The following COL25A1 variants were observed in gnomAD, a reference collection of about 807,000 sequenced individuals.
COL25A1 encodes collagen type XXV alpha 1 chain, also known as collagen alpha-1(XXV) chain.
In COL25A1, 103 loss-of-function variants were observed where a neutral mutation model predicts 128.4. The observed-to-expected ratio is 0.80, with a 90% CI of 0.68 to 0.94. The LOEUF (loss-of-function observed/expected upper bound fraction) is 0.94. COL25A1 is among the 40% of genes least tolerant of loss of function. The pLI, the probability that COL25A1 is intolerant of heterozygous loss-of-function variation, is 0.00. For synonymous variants in COL25A1, 279 were observed against 277.2 expected, an observed-to-expected ratio of 1.01 and a Z score of -0.06; for missense variants, 745 against 840.0, an observed-to-expected ratio of 0.89 and a Z score of 1.40.
At position 109,202,263 on chromosome 4, in the gene COL25A1, C is replaced by G. The variant is rs1776610874; in HGVS notation, c.367+98320G>C. Among the ~76,000 whole-genome samples the G allele has an allele frequency of 2.0e-5, 3 of 152,028 alleles. No individual in the cohort carries two copies. The South Asian group carries it at 6.2e-4, about 32-fold the overall frequency. On this transcript the variant is annotated intron_variant, in intron 3 of 37. Transcript: ENST00000399132. The stretch of plus-strand genomic sequence containing the variant: ...AGACAATGTAGTACAGGCAAAAGAA[C>G]AGACAAATGGGCCAAAGGAAAATAG...
At chr4:109,273,226 A>T (rs2126266984) in intron 3 of COL25A1, among the ~76,000 whole-genome samples, 1 of 152,352 alleles carries the variant, frequency 6.6e-6, no homozygotes, top group East Asian at 1.9e-4. Context: ...TTAAAAAAGC[A>T]AAGATTATAG....
intron 3 of COL25A1, among the ~76,000 whole-genome samples, chr4:109,132,588 A>G (rs1027432449): frequency 1.3e-5 from 2 of 152,218 alleles, no homozygotes; most frequent in African/African-American, 2.4e-5. Context: ...TCATAGAATC[A>G]ATTTAAGTAA....
In COL25A1 at chr4:109,093,457, G is replaced by GAAAAAAA. The variant is rs564834752; in HGVS notation, c.368-43285_368-43279dup. ...CAATACAGCAAGACTCCATCTCTATGAAAAAAAAAAAAAAAAAAACCTTTT... is the reference window on the plus strand; with the variant it reads ...CAATACAGCAAGACTCCATCTCTATGAAAAAAAAAAAAAAAAAAAAAAAAAACCTTTT... On this transcript the variant is annotated intron_variant, in intron 3 of 37. Coordinates refer to ENST00000399132, the MANE Select transcript of COL25A1 (RefSeq NM_198721.4). Among the ~76,000 whole-genome samples the GAAAAAAA allele has an allele frequency of 6.9e-4, 48 of 69,436 alleles. No homozygotes were observed. The East Asian group carries it at 8.1e-3, about 12-fold the overall frequency. 45.6% of individuals were successfully genotyped at this position (69,436 alleles called of 152,430 possible). A position where few individuals can be genotyped will look rare whatever the true frequency, so the allele number is the denominator to read the frequency against.
intron 5 of COL25A1, among the ~76,000 whole-genome samples, chr4:109,016,161 C>T (rs867741434): frequency 2.0e-5 from 3 of 152,226 alleles, no homozygotes; most frequent in Non-Finnish European, 4.4e-5. Context: ...ACTCTCCGGC[C>T]TCTCCCTACT....
At chr4:109,040,227 G>A (rs1372672167) in intron 5 of COL25A1, among the ~76,000 whole-genome samples, 1 of 152,086 alleles carries the variant, frequency 6.6e-6, no homozygotes, top group African/African-American at 2.4e-5. Context: ...TATAGTCCAT[G>A]ACCCAGTTAA....
At chr4:109,245,644 G>A (rs755045934) in intron 3 of COL25A1, among the ~76,000 whole-genome samples, 2 of 151,962 alleles carry the variant, frequency 1.3e-5, no homozygotes, top group Non-Finnish European at 2.9e-5. Flanking sequence ...TGAGTACAGC[G>A]GCAGCTACCA....
chr4:108,879,981 G>A (rs998595149), intron 19 of COL25A1, among the ~76,000 whole-genome samples: 2 of 150,490 alleles, frequency 1.3e-5, no homozygotes, highest in African/African-American at 4.9e-5. Context: ...GCTAATTTTT[G>A]TATTTTTAGT....
At chr4:108,958,158 A>T (rs1578889804) in intron 8 of COL25A1, among the ~76,000 whole-genome samples, 1 of 152,278 alleles carries the variant, frequency 6.6e-6, no homozygotes, top group Admixed American at 6.5e-5. Flanking sequence ...ACAAAAAAAA[A>T]TCAAATAATA....
At chr4:108,869,996 T>C (rs1484629906) in intron 19 of COL25A1, among the ~76,000 whole-genome samples, 1 of 152,184 alleles carries the variant, frequency 6.6e-6, no homozygotes, top group Non-Finnish European at 1.5e-5. Context: ...CTCACACCTG[T>C]AATCCCAGTA....
chr4:108,985,987 T>C (rs375591544), intron 6 of COL25A1, among the ~76,000 whole-genome samples: 2 of 152,312 alleles, frequency 1.3e-5, no homozygotes, highest in African/African-American at 4.8e-5. Flanking sequence ...TTCCTATTTT[T>C]GTTAAACACA....
At chr4:109,047,942 C>T (rs946431919) in intron 5 of COL25A1, among the ~76,000 whole-genome samples, 6 of 151,936 alleles carry the variant, frequency 3.9e-5, no homozygotes, top group Non-Finnish European at 8.8e-5. Context: ...CCGTGTTAGC[C>T]AGGATGGTCT....
Position 109,211,357 on chromosome 4 carries a change from T to G in COL25A1, c.367+89226A>C, listed in dbSNP as rs138208514. 3.1e-3 allele frequency among the ~76,000 whole-genome samples: 441 copies of G among 144,336 alleles called. 3 individuals are homozygous for G. Among genetic ancestry groups the G allele is most frequent in the Middle Eastern group, 0.011 (3 of 268 alleles). 94.7% of individuals were successfully genotyped at this position (144,336 alleles called of 152,430 possible). A position where few individuals can be genotyped will look rare whatever the true frequency, so the allele number is the denominator to read the frequency against. ...AACAATTAAAAATACAAAAAGTATT[T>G]TTTAAAGCCTCCCAGTTAGGAAGGG... On this transcript the variant is annotated intron_variant, in intron 3 of 37. Transcript: ENST00000399132.
chr4:109,165,514 G>A (rs540937591), intron 3 of COL25A1, among the ~76,000 whole-genome samples: 4 of 152,206 alleles, frequency 2.6e-5, no homozygotes, highest in East Asian at 1.9e-4. Context: ...CCACGAGTTC[G>A]AGACCAGCCT....
chr4:109,149,461 T>C (rs1280624663), intron 3 of COL25A1, among the ~76,000 whole-genome samples: 1 of 152,156 alleles, frequency 6.6e-6, no homozygotes, highest in Non-Finnish European at 1.5e-5. Flanking sequence ...TTATTGAGCC[T>C]ACTCAAATAC....
intron 3 of COL25A1, among the ~76,000 whole-genome samples, chr4:109,142,568 A>G (rs900471537): frequency 6.6e-6 from 1 of 151,618 alleles, no homozygotes; most frequent in Non-Finnish European, 1.5e-5. Flanking sequence ...GTAGTCTCTA[A>G]GAACTTACTT....
chr4:109,139,823 TC>T, intron 3 of COL25A1, among the ~76,000 whole-genome samples: 1 of 111,484 alleles, frequency 9.0e-6, no homozygotes, highest in East Asian at 2.6e-4. Flanking sequence ...TCCCACCCCC[TC>T]CCCCCGACCC....
At chr4:109,103,359 T>C (rs1457007083) in intron 3 of COL25A1, among the ~76,000 whole-genome samples, 1 of 152,184 alleles carries the variant, frequency 6.6e-6, no homozygotes, top group Non-Finnish European at 1.5e-5. Flanking sequence ...AATGCTCCTT[T>C]TGGTAGCATT....
intron 3 of COL25A1, among the ~76,000 whole-genome samples, chr4:109,059,131 G>C (rs890459170): frequency 2.6e-5 from 4 of 152,160 alleles, no homozygotes; most frequent in African/African-American, 7.2e-5. Flanking sequence ...TAATACAAGG[G>C]ACAATGATGA....
intron 8 of COL25A1, among the ~76,000 whole-genome samples, chr4:108,952,831 CTTTTTTTT>C (rs59761040): frequency 3.4e-4 from 23 of 66,992 alleles, no homozygotes; most frequent in East Asian, 1.6e-3. Context: ...AAAAACTCAA[CTTTTTTTT>C]TTTTTTTTTT....
Sources: gnomAD v4.1 joint callset for allele counts (sites outside exome capture counted in the v4.1 genomes callset) on GRCh38, gnomAD v4.1.1 for gene constraint, MANE v1.5 for transcripts, NCBI Gene and HGNC (gene_info 2026-07-23, HGNC 2026-07-21) for gene names.